Variants in FAF1 observed in about 807,000 individuals in gnomAD.
FAF1 encodes FAS-associated factor 1.
A neutral mutation model predicts 92.5 loss-of-function variants in FAF1; 25 were observed. That is an observed-to-expected ratio of 0.27 (90% CI 0.20 to 0.38). The LOEUF (loss-of-function observed/expected upper bound fraction) is 0.38, where lower values mean the gene tolerates loss of function less well. FAF1 is among the 10% of genes least tolerant of loss of function. FAF1 has a pLI of 1.00. For synonymous variants in FAF1, 234 were observed against 273.2 expected (o/e 0.86, Z 1.42); for missense variants, 636 against 793.3 (o/e 0.80, Z 2.38).
At chr1:50,735,339 A>G (rs1459553569) in intron 6 of FAF1, among the ~76,000 whole-genome samples, 2 of 152,168 alleles carry the variant, frequency 1.3e-5, no homozygotes, top group African/African-American at 2.4e-5. Context: ...TCTTTTTTAA[A>G]AGGGCTTAAA....
rs564220430 is a variant in FAF1, at chr1:50,733,647, G to A, written c.551+5216C>T. 2.0e-5 allele frequency among the ~76,000 whole-genome samples: 3 copies of A among 152,294 alleles called. No homozygotes were observed. In the East Asian group the frequency reaches 5.8e-4, roughly 29 times the overall value. On this transcript the variant is annotated intron_variant, in intron 6 of 18. Transcript: ENST00000396153. Reference sequence around the variant, plus strand: ...TCTCTCTCTGCCATATGAGGACATGGCAGGAAGTTGGGCTTGTAAACCAGG... The same window carrying A: ...TCTCTCTCTGCCATATGAGGACATGACAGGAAGTTGGGCTTGTAAACCAGG...
chr1:50,618,707 T>C (rs1243660062), intron 8 of FAF1, among the ~76,000 whole-genome samples: 1 of 152,044 alleles, frequency 6.6e-6, no homozygotes, highest in Non-Finnish European at 1.5e-5. Flanking sequence ...CCTTCTTAAT[T>C]TTTACTAACA....
At chr1:50,735,719 T>A (rs1282710432) in intron 6 of FAF1, among the ~76,000 whole-genome samples, 1 of 152,186 alleles carries the variant, frequency 6.6e-6, no homozygotes, top group African/African-American at 2.4e-5. Context: ...TATTTTATTT[T>A]ATTTATTTTA....
intron 15 of FAF1, among the ~76,000 whole-genome samples, chr1:50,511,980 T>C (rs1647140446): frequency 1.3e-5 from 2 of 152,252 alleles, no homozygotes; most frequent in African/African-American, 4.8e-5. Flanking sequence ...TTGATTTGCA[T>C]TTCTCTAATG....
chr1:50,456,088 T>A (rs116635037), intron 18 of FAF1, among the ~76,000 whole-genome samples: 1,967 of 146,850 alleles, frequency 0.013, 40 homozygotes, highest in African/African-American at 0.044. Flanking sequence ...CAAAAAAAAA[T>A]TTTTTTTTTT....
At chr1:50,684,161 T>C (rs1007125808) in intron 7 of FAF1, among the ~76,000 whole-genome samples, 1 of 151,646 alleles carries the variant, frequency 6.6e-6, no homozygotes, top group African/African-American at 2.4e-5. Flanking sequence ...AGCAAAGTCA[T>C]AGCAGGAGTA....
At chr1:50,650,508 T>TG (rs1353597424) in intron 8 of FAF1, among the ~76,000 whole-genome samples, 4 of 151,926 alleles carry the variant, frequency 2.6e-5, no homozygotes, top group Non-Finnish European at 5.9e-5. Context: ...TAATCCCAGC[T>TG]ACTTGGGATG....
At chr1:50,953,753 GAAAGA>G (rs1171885112) in intron 1 of FAF1, among the ~76,000 whole-genome samples, 1 of 151,786 alleles carries the variant, frequency 6.6e-6, no homozygotes, top group African/African-American at 2.4e-5. Context: ...CAAAAAAAAA[GAAAGA>G]AAAGAAAATT....
chr1:50,824,625 A>G (rs991353901), intron 2 of FAF1, among the ~76,000 whole-genome samples: 2 of 152,186 alleles, frequency 1.3e-5, no homozygotes, highest in Admixed American at 6.5e-5. Context: ...GTATACATCC[A>G]AAGAAGAGAT....
At chr1:50,529,012 T>C (rs2149034237) in intron 15 of FAF1, among the ~76,000 whole-genome samples, 1 of 152,318 alleles carries the variant, frequency 6.6e-6, no homozygotes, top group Non-Finnish European at 1.5e-5. Context: ...TAATCAATTA[T>C]ATTATTGGTA....
chr1:50,622,273 A>G (rs1359075202), intron 8 of FAF1, among the ~76,000 whole-genome samples: 2 of 152,136 alleles, frequency 1.3e-5, no homozygotes, highest in Non-Finnish European at 2.9e-5. Context: ...GGCAAGAGTG[A>G]GCTATCCCTC....
intron 2 of FAF1, among the ~76,000 whole-genome samples, chr1:50,823,730 C>T (rs1644067408): frequency 6.6e-6 from 1 of 150,606 alleles, no homozygotes; most frequent in Non-Finnish European, 1.5e-5. Flanking sequence ...CGGTTTGGGA[C>T]ACTGAAAAGA....
In FAF1 at chr1:50,441,234, G is replaced by A. The variant is rs997616534; in HGVS notation, c.*206C>T. The A allele has an allele frequency of 1.1e-5, 5 of 464,436 alleles. No homozygotes were observed. Among genetic ancestry groups the A allele is most frequent in the Non-Finnish European group, 1.9e-5 (5 of 261,680 alleles). 28.8% of individuals were successfully genotyped at this position (464,436 alleles called of 1,614,324 possible). A position where few individuals can be genotyped will look rare whatever the true frequency, so the allele number is the denominator to read the frequency against. On this transcript the variant is annotated 3_prime_UTR_variant, in exon 19 of 19. Coordinates refer to ENST00000396153, the MANE Select transcript of FAF1 (RefSeq NM_007051.3). ...GAGGGTGGCAGAGTTGTAATTCTCT[G>A]TAATAAGGGTTGGGAATATATACTC...
chr1:50,464,543 A>T (rs1471423571), intron 18 of FAF1, among the ~76,000 whole-genome samples: 1 of 152,232 alleles, frequency 6.6e-6, no homozygotes, highest in Non-Finnish European at 1.5e-5. Flanking sequence ...AGAGTCTGTT[A>T]TAATGCAACT....
At chr1:50,780,863 G>A (rs1557524407) in intron 4 of FAF1, 3 of 468,132 alleles carry the variant, frequency 6.4e-6, no homozygotes, top group South Asian at 3.3e-5. Flanking sequence ...TTACCTTCAG[G>A]AGGAGTCACA....
At chr1:50,876,833 C>T (rs567277555) in intron 1 of FAF1, among the ~76,000 whole-genome samples, 1 of 152,318 alleles carries the variant, frequency 6.6e-6, no homozygotes, top group Admixed American at 6.5e-5. Context: ...GTCCGCCCAC[C>T]TCGGCCTCCC....
At chr1:50,810,961 CT>C (rs1356127960) in intron 2 of FAF1, among the ~76,000 whole-genome samples, 1 of 152,138 alleles carries the variant, frequency 6.6e-6, no homozygotes, top group East Asian at 1.9e-4. Flanking sequence ...AGGAGAATCG[CT>C]TAAGCCTGGA....
chr1:50,948,920 A>AC (rs900676613), intron 1 of FAF1, among the ~76,000 whole-genome samples: 1 of 151,924 alleles, frequency 6.6e-6, no homozygotes, highest in African/African-American at 2.4e-5. Context: ...TGAGGGATCC[A>AC]CCCCCATGAT....
chr1:50,959,884 TCGCCGCCAC>T lies in FAF1; in HGVS notation c.-82_-74del, dbSNP rs1039727459. ...AGGCAGACGGCACCTCCTGCGACCG[TCGCCGCCAC>T]CGCCGCCGCCGCCGCCGGGCGCCGA... On this transcript the variant is annotated 5_prime_UTR_variant, in exon 1 of 19. Coordinates refer to ENST00000396153, the MANE Select transcript of FAF1 (RefSeq NM_007051.3). 3 of 1,103,578 alleles carry T rather than the reference TCGCCGCCAC, an allele frequency of 2.7e-6. No homozygotes were observed. The highest frequency in any genetic ancestry group is 2.3e-6 in the Non-Finnish European group (2 of 853,878). The allele number at this position is 1,103,578 out of a possible 1,614,324, so 68.4% of individuals were successfully genotyped here.
Sources: allele counts gnomAD v4.1 joint callset (sites outside exome capture counted in the v4.1 genomes callset), GRCh38; gene constraint gnomAD v4.1.1; transcripts MANE v1.5; gene names NCBI Gene and HGNC (gene_info 2026-07-23, HGNC 2026-07-21).